FAM171A1: variants seen among roughly 807,000 people sequenced by gnomAD.
The protein encoded by FAM171A1 is family with sequence similarity 171 member A1.
A neutral mutation model predicts 74.9 loss-of-function variants in FAM171A1; 23 were observed. The observed-to-expected ratio is 0.31, with a 90% confidence interval of 0.22 to 0.44. The LOEUF (loss-of-function observed/expected upper bound fraction) is 0.44. Among genes scored for constraint, FAM171A1 ranks in the 20% least tolerant of loss-of-function variants. FAM171A1 has a pLI of 1.00. For synonymous variants in FAM171A1, 527 were observed against 505.7 expected (o/e 1.04, Z -0.57); for missense variants, 1,162 against 1,159.2 (o/e 1.00, Z -0.03).
intron 2 of FAM171A1, among the ~76,000 whole-genome samples, chr10:15,278,203 T>C (rs1834919429): frequency 1.3e-5 from 2 of 152,234 alleles, no homozygotes; most frequent in African/African-American, 4.8e-5. Flanking sequence ...AGATCAGTGT[T>C]AGAAGCAGCC....
At chr10:15,276,406 C>T (rs746862596) in intron 2 of FAM171A1, among the ~76,000 whole-genome samples, 1 of 152,198 alleles carries the variant, frequency 6.6e-6, no homozygotes, top group Non-Finnish European at 1.5e-5. Flanking sequence ...GTCTCGAACT[C>T]CTGACTTCGT....
At chr10:15,305,030 C>T (rs959012306) in intron 1 of FAM171A1, among the ~76,000 whole-genome samples, 2 of 152,200 alleles carry the variant, frequency 1.3e-5, no homozygotes, top group East Asian at 3.9e-4. Flanking sequence ...AGCCACAGCA[C>T]CCGGCCAAGT....
intron 5 of FAM171A1, among the ~76,000 whole-genome samples, chr10:15,244,829 A>G (rs527421602): frequency 3.3e-5 from 5 of 152,102 alleles, no homozygotes; most frequent in Non-Finnish European, 4.4e-5. Context: ...TGATAGGACC[A>G]TTGCAACGTG....
At chr10:15,328,526 A>G (rs1013725713) in intron 1 of FAM171A1, among the ~76,000 whole-genome samples, 1 of 152,202 alleles carries the variant, frequency 6.6e-6, no homozygotes, top group Non-Finnish European at 1.5e-5. Context: ...AGCGACGCGG[A>G]TACCTGGAGA....
chr10:15,340,429 C>T (rs931604899), intron 1 of FAM171A1, among the ~76,000 whole-genome samples: 1 of 152,148 alleles, frequency 6.6e-6, no homozygotes, highest in Admixed American at 6.5e-5. Flanking sequence ...GAAATTTCTG[C>T]CTCAATAAAC....
chr10:15,371,063 G>A lies in FAM171A1; in HGVS notation c.-11C>T, dbSNP rs1588576902. The A allele has an allele frequency of 2.8e-6, 3 of 1,075,470 alleles. No individual in the cohort carries two copies. The highest frequency in any genetic ancestry group is 3.4e-6 in the Non-Finnish European group (3 of 877,028). 66.6% of individuals were successfully genotyped at this position (1,075,470 alleles called of 1,614,324 possible). On this transcript the variant is annotated 5_prime_UTR_variant, in exon 1 of 8. Transcript: ENST00000378116. ...CGCGGACCTGCTCATCTCCGCCGCG[G>A]GGCCGGCGGCGGCTCGGGCTCGCCG...
At chr10:15,231,921 C>CA (rs984838723) in intron 5 of FAM171A1, among the ~76,000 whole-genome samples, 1 of 151,832 alleles carries the variant, frequency 6.6e-6, no homozygotes, top group African/African-American at 2.4e-5. Flanking sequence ...CACATCTCTA[C>CA]AAAAAATAAA....
intron 1 of FAM171A1, among the ~76,000 whole-genome samples, chr10:15,299,153 A>G (rs1246899467): frequency 6.6e-6 from 1 of 152,174 alleles, no homozygotes; most frequent in African/African-American, 2.4e-5. Context: ...TCCCGACCTC[A>G]GGTGATCCGC....
intron 5 of FAM171A1, among the ~76,000 whole-genome samples, chr10:15,221,729 T>C (rs1404061084): frequency 6.6e-6 from 1 of 151,998 alleles, no homozygotes; most frequent in African/African-American, 2.4e-5. Flanking sequence ...TGTCTTATAA[T>C]ACACCATCTA....
intron 1 of FAM171A1, among the ~76,000 whole-genome samples, chr10:15,336,694 T>C (rs1835704610): frequency 6.6e-6 from 1 of 152,226 alleles, no homozygotes; most frequent in Non-Finnish European, 1.5e-5. Flanking sequence ...AATATGGTTT[T>C]AGTTAATAAA....
At chr10:15,289,711 G>A (rs1476386008) in intron 1 of FAM171A1, among the ~76,000 whole-genome samples, 1 of 152,202 alleles carries the variant, frequency 6.6e-6, no homozygotes, top group Non-Finnish European at 1.5e-5. Flanking sequence ...TGTACCAGGT[G>A]CAGCAACTTC....
chr10:15,373,023 T>C (rs1344703099), upstream of FAM171A1, among the ~76,000 whole-genome samples: 1 of 152,192 alleles, frequency 6.6e-6, no homozygotes, highest in Non-Finnish European at 1.5e-5. Flanking sequence ...TGTAATTTCA[T>C]TAATTGAGCA....
At chr10:15,272,097 G>C (rs1443463537) in intron 3 of FAM171A1, among the ~76,000 whole-genome samples, 1 of 152,138 alleles carries the variant, frequency 6.6e-6, no homozygotes, top group Non-Finnish European at 1.5e-5. Flanking sequence ...AGGCACATTG[G>C]ATAAACAGTC....
At chr10:15,313,610 C>T (rs1229821319) in intron 1 of FAM171A1, among the ~76,000 whole-genome samples, 11 of 152,064 alleles carry the variant, frequency 7.2e-5, no homozygotes, top group African/African-American at 1.4e-4. Flanking sequence ...TTCTGAGTAC[C>T]GGTAGGTTTG....
intron 1 of FAM171A1, among the ~76,000 whole-genome samples, chr10:15,319,741 G>C (rs578221970): frequency 1.2e-3 from 189 of 152,250 alleles, no homozygotes; most frequent in Middle Eastern, 3.4e-3. Context: ...TCTGTCCAGG[G>C]ATTTTGAACC....
intron 1 of FAM171A1, among the ~76,000 whole-genome samples, chr10:15,284,668 G>C (rs1488751931): frequency 1.3e-5 from 2 of 152,174 alleles, no homozygotes; most frequent in Non-Finnish European, 2.9e-5. Flanking sequence ...GCCCGCCTCA[G>C]GCTCCCAGAG....
intron 1 of FAM171A1, among the ~76,000 whole-genome samples, chr10:15,287,868 A>C (rs1835057018): frequency 6.6e-6 from 1 of 152,092 alleles, no homozygotes; most frequent in South Asian, 2.1e-4. Context: ...CCCATCACCC[A>C]AGTAGTGTAC....
chr10:15,351,706 T>C (rs1253148492), intron 1 of FAM171A1, among the ~76,000 whole-genome samples: 1 of 151,934 alleles, frequency 6.6e-6, no homozygotes, highest in Non-Finnish European at 1.5e-5. Flanking sequence ...GATGGATGGA[T>C]GGATGGAGAG....
chr10:15,331,815 G>A (rs1183504096), intron 1 of FAM171A1, among the ~76,000 whole-genome samples: 1 of 121,014 alleles, frequency 8.3e-6, no homozygotes, highest in Non-Finnish European at 1.8e-5. Context: ...GTATATATGT[G>A]GGTATATATA....
Sources: gnomAD v4.1 joint callset for allele counts (sites outside exome capture counted in the v4.1 genomes callset) on GRCh38, gnomAD v4.1.1 for gene constraint, MANE v1.5 for transcripts, NCBI Gene and HGNC (gene_info 2026-07-23, HGNC 2026-07-21) for gene names.